The following TBC1D31 variants were observed in gnomAD, a reference collection of about 807,000 sequenced individuals.
TBC1D31 encodes the protein TBC1 domain family member 31.
TBC1D31 carries 99 observed loss-of-function variants against 132.9 expected under a neutral mutation model. That is an observed-to-expected ratio of 0.74 (90% CI 0.63 to 0.88). TBC1D31 has a LOEUF of 0.88. TBC1D31 is among the 40% of genes least tolerant of loss of function. The pLI is 0.00. For synonymous variants in TBC1D31, 385 were observed against 419.4 expected (o/e 0.92, Z 1.00); for missense variants, 1,134 against 1,256.6 (o/e 0.90, Z 1.48).
chr8:123,076,578 G>C (rs1314167990), intron 1 of TBC1D31, among the ~76,000 whole-genome samples: 1 of 152,136 alleles, frequency 6.6e-6, no homozygotes, highest in African/African-American at 2.4e-5. Context: ...TAGGCCAGGT[G>C]CTGGGGTACA....
At chr8:123,095,644 A>G (rs1246718261) in intron 5 of TBC1D31, among the ~76,000 whole-genome samples, 2 of 152,126 alleles carry the variant, frequency 1.3e-5, no homozygotes, top group African/African-American at 4.8e-5. Context: ...GACTAATAGG[A>G]TCCTCTTTTC....
At chr8:123,105,844 A>G (rs1005381038) in intron 8 of TBC1D31, among the ~76,000 whole-genome samples, 3 of 152,210 alleles carry the variant, frequency 2.0e-5, no homozygotes, top group African/African-American at 7.2e-5. Context: ...GTGAACTTTC[A>G]CAAAATGTAC....
intron 2 of TBC1D31, among the ~76,000 whole-genome samples, chr8:123,077,763 T>G (rs1384597348): frequency 6.6e-6 from 1 of 152,090 alleles, no homozygotes; most frequent in Non-Finnish European, 1.5e-5. Flanking sequence ...AAAGAATTGA[T>G]TTTCAGCTGG....
At chr8:123,079,629 T>G (rs1814929858) in intron 2 of TBC1D31, among the ~76,000 whole-genome samples, 1 of 152,242 alleles carries the variant, frequency 6.6e-6, no homozygotes, top group Admixed American at 6.5e-5. Context: ...GAGGACTCTT[T>G]GCACTTCATT....
chr8:123,084,014 C>T lies in TBC1D31; in HGVS notation c.341-148C>T, dbSNP rs535557233. On this transcript the variant is annotated intron_variant, in intron 3 of 21. Transcript: ENST00000287380. Reference sequence around the variant, plus strand: ...CGTCATACACTTTATCAACTAGCCACAAGCTTCCATTTTTGTGGATATTAA... The same window carrying T: ...CGTCATACACTTTATCAACTAGCCATAAGCTTCCATTTTTGTGGATATTAA... The T allele has an allele frequency of 4.5e-4, 294 of 648,066 alleles. No homozygotes were observed. In the African/African-American group the frequency reaches 4.8e-3, roughly 11 times the overall value. The allele number at this position is 648,066 out of a possible 1,614,324, so 40.1% of individuals were successfully genotyped here.
chr8:123,153,359 T>C (rs1822905452), downstream of TBC1D31, among the ~76,000 whole-genome samples: 1 of 152,186 alleles, frequency 6.6e-6, no homozygotes, highest in African/African-American at 2.4e-5. Context: ...TCAGGTCTCT[T>C]TTGCAGCTAC....
At position 123,142,398 on chromosome 8, in the gene TBC1D31, A is replaced by T. The variant is rs371594974; in HGVS notation, c.2777A>T (p.Glu926Val). ...CYQEVAKLLR[E>V]NRRKEIEIIN... is the part of the protein sequence containing the mutation. ...CAGGAAGTAGCCAAACTCCTTAGGG[A>T]AAACAGAAGGAAAGAAATAGAGATA... The change falls in exon 19 of 22, where the codon GAA becomes GTA. Residue 926 changes from glutamate to valine, a missense_variant. By Grantham distance (121) the Glu-to-Val change is moderately radical (BLOSUM62 -2). Coordinates refer to ENST00000287380, the MANE Select transcript of TBC1D31 (RefSeq NM_145647.4). The T allele has an allele frequency of 7.2e-5, 115 of 1,607,340 alleles. No individual in the cohort carries two copies. The highest frequency in any genetic ancestry group is 9.4e-5 in the Non-Finnish European group (111 of 1,177,522).
chr8:123,080,880 A>C (rs1815085056), intron 2 of TBC1D31, among the ~76,000 whole-genome samples: 1 of 152,110 alleles, frequency 6.6e-6, no homozygotes. Context: ...CTTTAGCTCA[A>C]AGTAATCCTT....
chr8:123,156,958 C>A (rs552603240), downstream of TBC1D31, among the ~76,000 whole-genome samples: 1 of 152,352 alleles, frequency 6.6e-6, no homozygotes, highest in Admixed American at 6.5e-5. Context: ...CCTCCTCCCC[C>A]CCGCGACGGC....
downstream of TBC1D31, among the ~76,000 whole-genome samples, chr8:123,152,370 G>A (rs1822857696): frequency 6.6e-6 from 1 of 152,120 alleles, no homozygotes; most frequent in African/African-American, 2.4e-5. Flanking sequence ...GCCTCTGCCA[G>A]CGGGACCCCC....
At chr8:123,092,138 T>G (rs998059243) in intron 4 of TBC1D31, among the ~76,000 whole-genome samples, 2 of 151,912 alleles carry the variant, frequency 1.3e-5, no homozygotes, top group African/African-American at 2.4e-5. Flanking sequence ...CCTCAGCCTC[T>G]TGAGTAGCTG....
chr8:123,158,008 T>C, the TBC1D31 span, among the ~76,000 whole-genome samples: 4 of 141,074 alleles, frequency 2.8e-5, no homozygotes, highest in African/African-American at 1.1e-4. Context: ...CTGCTTCTGA[T>C]TTTTTCTTCC....
chr8:123,152,935 T>C (rs1211790858), downstream of TBC1D31, among the ~76,000 whole-genome samples: 2 of 152,326 alleles, frequency 1.3e-5, no homozygotes, highest in African/African-American at 4.8e-5. Flanking sequence ...AGTAAGTATA[T>C]AATATGTAGT....
the TBC1D31 span, among the ~76,000 whole-genome samples, chr8:123,158,090 T>C: frequency 6.7e-6 from 1 of 150,024 alleles, no homozygotes; most frequent in South Asian, 2.1e-4. Context: ...AGTTAATGTG[T>C]TAACTGGGAA....
In TBC1D31 at chr8:123,140,661, C is replaced by G; in HGVS notation, c.2500-100C>G. The G allele has an allele frequency of 1.0e-5, 9 of 876,976 alleles. No individual in the cohort carries two copies. The South Asian group carries it at 1.6e-4, about 16-fold the overall frequency. The allele number at this position is 876,976 out of a possible 1,614,324, so 54.3% of individuals were successfully genotyped here. A position where few individuals can be genotyped will look rare whatever the true frequency, so the allele number is the denominator to read the frequency against. On this transcript the variant is annotated intron_variant, in intron 17 of 21. Transcript: ENST00000287380. ...TTTTACTTTGAAAATTAGATGATTA[C>G]AGCTTTTATTTGTGTGCATATTACT...
chr8:123,159,107 C>G, the TBC1D31 span, among the ~76,000 whole-genome samples: 1 of 151,896 alleles, frequency 6.6e-6, no homozygotes, highest in Admixed American at 6.6e-5. Context: ...TCTGCAGGCC[C>G]GAGGAGATGC....
chr8:123,118,418 G>A (rs1363646888), intron 10 of TBC1D31, among the ~76,000 whole-genome samples: 1 of 152,038 alleles, frequency 6.6e-6, no homozygotes, highest in Non-Finnish European at 1.5e-5. Flanking sequence ...TTAAAAAAAG[G>A]AAATTAACAG....
chr8:123,162,982 C>T, the TBC1D31 span, among the ~76,000 whole-genome samples: 1 of 151,972 alleles, frequency 6.6e-6, no homozygotes, highest in Non-Finnish European at 1.5e-5. Flanking sequence ...ACAGGCGCGC[C>T]ACCACACTCA....
chr8:123,142,017 C>T (rs1272998406), intron 18 of TBC1D31, among the ~76,000 whole-genome samples: 1 of 152,008 alleles, frequency 6.6e-6, no homozygotes, highest in Non-Finnish European at 1.5e-5. Flanking sequence ...CGCGCTGCCA[C>T]GCCCAGCTAA....
Sources: allele counts gnomAD v4.1 joint callset (sites outside exome capture counted in the v4.1 genomes callset), GRCh38; gene constraint gnomAD v4.1.1; transcripts MANE v1.5; gene names NCBI Gene and HGNC (gene_info 2026-07-23, HGNC 2026-07-21).